Variants in DDAH1 observed in about 807,000 individuals in gnomAD.
DDAH1 encodes dimethylarginine dimethylaminohydrolase 1.
DDAH1 carries 19 observed loss-of-function variants against 28.8 expected under a neutral mutation model. The observed-to-expected ratio is 0.66, with a 90% CI of 0.46 to 0.97. The LOEUF (loss-of-function observed/expected upper bound fraction) is 0.97. DDAH1 is among the 50% of genes least tolerant of loss of function. DDAH1 has a pLI of 0.00. For synonymous variants in DDAH1, 153 were observed against 154.4 expected (o/e 0.99, Z 0.07); for missense variants, 326 against 375.9 (o/e 0.87, Z 1.10).
At chr1:85,477,190 T>C (rs1655833610) in intron 2 of DDAH1, among the ~76,000 whole-genome samples, 2 of 152,130 alleles carry the variant, frequency 1.3e-5, no homozygotes, top group Non-Finnish European at 2.9e-5. Flanking sequence ...GGAGGGAATT[T>C]AGCATGTTGG....
At chr1:85,571,557 C>G (rs1391217967) in intron 1 of DDAH1, among the ~76,000 whole-genome samples, 1 of 152,180 alleles carries the variant, frequency 6.6e-6, no homozygotes, top group Admixed American at 6.5e-5. Context: ...CAGCTAGAGC[C>G]ATGAAGCAAA....
chr1:85,355,139 T>C (rs1005564625), intron 2 of DDAH1, among the ~76,000 whole-genome samples: 7 of 152,216 alleles, frequency 4.6e-5, no homozygotes, highest in East Asian at 3.9e-4. Flanking sequence ...ACCCAACATA[T>C]TGAAAACTTA....
chr1:85,389,316 A>G (rs540232193), intron 1 of DDAH1, among the ~76,000 whole-genome samples: 1 of 152,368 alleles, frequency 6.6e-6, no homozygotes, highest in Non-Finnish European at 1.5e-5. Context: ...TGTGATGAAT[A>G]AAATGATGTT....
chr1:85,501,769 C>G (rs1278668000), intron 1 of DDAH1, among the ~76,000 whole-genome samples: 1 of 152,126 alleles, frequency 6.6e-6, no homozygotes, highest in Non-Finnish European at 1.5e-5. Flanking sequence ...AACAGTTGCT[C>G]CATATATTTT....
intron 1 of DDAH1, among the ~76,000 whole-genome samples, chr1:85,530,588 G>A (rs1658057579): frequency 6.6e-6 from 1 of 151,716 alleles, no homozygotes; most frequent in Non-Finnish European, 1.5e-5. Context: ...AATTGCCCTT[G>A]GTCAGTTCTT....
chr1:85,385,625 C>G lies in DDAH1; in HGVS notation c.304-26778G>C, dbSNP rs761602. 2.6e-5 allele frequency among the ~76,000 whole-genome samples: 4 copies of G among 152,268 alleles called. No homozygotes were observed. In the East Asian group the frequency reaches 7.7e-4, roughly 29 times the overall value. On this transcript the variant is annotated intron_variant, in intron 1 of 5. Coordinates refer to ENST00000284031, the MANE Select transcript of DDAH1 (RefSeq NM_012137.4). Reference sequence around the variant, plus strand: ...GCAGGAAGATGGTATAGGAGAGCAGCTGAGCTCATGGATATTGGAACAAAT... The same window carrying G: ...GCAGGAAGATGGTATAGGAGAGCAGGTGAGCTCATGGATATTGGAACAAAT...
chr1:85,539,851 C>T (rs1189864284), intron 1 of DDAH1, among the ~76,000 whole-genome samples: 9 of 151,542 alleles, frequency 5.9e-5, no homozygotes, highest in African/African-American at 2.2e-4. Context: ...CATTGCCTGT[C>T]AAACTTAATT....
At position 85,444,245 on chromosome 1, in the gene DDAH1, AG is replaced by A. The variant is rs1654333156; in HGVS notation, c.303+20497del. Among the ~76,000 whole-genome samples the A allele has an allele frequency of 4.6e-5, 7 of 152,272 alleles. No individual in the cohort carries two copies. In the South Asian group the frequency reaches 1.4e-3, roughly 32 times the overall value. The stretch of plus-strand genomic sequence containing the variant: ...ATGAAGGGCTGTTGAATTTTGTCGA[AG>A]GTCTTTTCTGCATCTATTGAGATAA... On this transcript the variant is annotated intron_variant, in intron 1 of 5. Coordinates refer to ENST00000284031, the MANE Select transcript of DDAH1 (RefSeq NM_012137.4).
At chr1:85,503,818 T>C (rs1161562331) in intron 1 of DDAH1, among the ~76,000 whole-genome samples, 1 of 152,072 alleles carries the variant, frequency 6.6e-6, no homozygotes, top group Non-Finnish European at 1.5e-5. Context: ...AGGGAAGATC[T>C]CTAAGGTGAC....
Position 85,350,507 on chromosome 1 carries a change from C to G in DDAH1, c.505G>C (p.Ala169Pro). 6.2e-7 allele frequency: 1 copy of G among 1,614,106 alleles called. No homozygotes were observed. ...KDYAVSTVPV[A>P]DGLHLKSFCS... ...AAACTCTTCAAATGCAACCCATCTG[C>G]CACTGGCACTGTGGAGACTGCATAG... Residue 169 changes from alanine to proline, a missense_variant, in exon 4 of 6, where the codon GCA becomes CCA. Transcript: ENST00000284031.
At chr1:85,366,349 C>A (rs1650075766) in intron 1 of DDAH1, among the ~76,000 whole-genome samples, 1 of 152,156 alleles carries the variant, frequency 6.6e-6, no homozygotes, top group Admixed American at 6.6e-5. Context: ...TGAATAAGAT[C>A]TCTTGAAACA....
In DDAH1 at chr1:85,368,985, C is replaced by T. The variant is rs546048206; in HGVS notation, c.304-10138G>A. Among the ~76,000 whole-genome samples the T allele has an allele frequency of 5.3e-5, 8 of 152,128 alleles. No homozygotes were observed. In the South Asian group the frequency reaches 1.5e-3, roughly 28 times the overall value. On this transcript the variant is annotated intron_variant, in intron 1 of 5. Coordinates refer to ENST00000284031, the MANE Select transcript of DDAH1 (RefSeq NM_012137.4). Reference sequence around the variant, plus strand: ...AAAAGCCATCCAGCATATCCCTGCTCCCAGCCCAAATGTAGGTCCTGGCTG... The same window carrying T: ...AAAAGCCATCCAGCATATCCCTGCTTCCAGCCCAAATGTAGGTCCTGGCTG...
At chr1:85,452,231 C>T (rs1035903473) in intron 1 of DDAH1, among the ~76,000 whole-genome samples, 1 of 152,082 alleles carries the variant, frequency 6.6e-6, no homozygotes, top group African/African-American at 2.4e-5. Context: ...CTGCAAACAA[C>T]AAAGAATGGC....
upstream of DDAH1, among the ~76,000 whole-genome samples, chr1:85,468,072 A>C (rs1304079952): frequency 6.6e-6 from 1 of 152,254 alleles, no homozygotes. Flanking sequence ...GGAGAGAATG[A>C]GAATTCTAAG....
intron 1 of DDAH1, among the ~76,000 whole-genome samples, chr1:85,443,790 T>C (rs999946061): frequency 5.9e-5 from 9 of 152,162 alleles, no homozygotes; most frequent in African/African-American, 2.2e-4. Context: ...TGAAGGGGAG[T>C]TCACTCATTA....
chr1:85,577,366 G>A (rs1418948694), intron 1 of DDAH1, among the ~76,000 whole-genome samples: 1 of 152,184 alleles, frequency 6.6e-6, no homozygotes, highest in Non-Finnish European at 1.5e-5. Context: ...GGGATGGTAC[G>A]GGGGCGCCAC....
At chr1:85,345,116 A>ATAAC (rs2100830773) in intron 4 of DDAH1, among the ~76,000 whole-genome samples, 1 of 152,332 alleles carries the variant, frequency 6.6e-6, no homozygotes, top group Admixed American at 6.5e-5. Flanking sequence ...TCATCTTAAA[A>ATAAC]TAACTATTAT....
At chr1:85,357,043 T>C (rs914407021) in intron 2 of DDAH1, among the ~76,000 whole-genome samples, 1 of 152,198 alleles carries the variant, frequency 6.6e-6, no homozygotes, top group African/African-American at 2.4e-5. Flanking sequence ...GATTTACACA[T>C]CTAACTTTTC....
At chr1:85,362,943 A>C (rs36062892) in intron 1 of DDAH1, among the ~76,000 whole-genome samples, 37,212 of 152,086 alleles carry the variant, frequency 0.24, 4,707 homozygotes, top group Middle Eastern at 0.29. Flanking sequence ...CAAACCTAAA[A>C]TACTAAAAGA....
Sources: allele counts gnomAD v4.1 joint callset (sites outside exome capture counted in the v4.1 genomes callset), GRCh38; gene constraint gnomAD v4.1.1; transcripts MANE v1.5; gene names NCBI Gene and HGNC (gene_info 2026-07-23, HGNC 2026-07-21).